Variants in SMARCAL1 observed in about 807,000 individuals in gnomAD.
SMARCAL1 encodes the protein ATP-driven annealing helicase.
Under a neutral mutation model 94.5 loss-of-function variants are expected in SMARCAL1, and 58 were observed. The observed-to-expected ratio is 0.61, with a 90% CI of 0.50 to 0.76. The LOEUF (loss-of-function observed/expected upper bound fraction) is 0.76, where lower values mean the gene tolerates loss of function less well. Among genes scored for constraint, SMARCAL1 ranks in the 30% least tolerant of loss-of-function variants. SMARCAL1 has a pLI of 0.00. For synonymous variants in SMARCAL1, 422 were observed against 455.1 expected, an observed-to-expected ratio of 0.93 and a Z score of 0.93; for missense variants, 1,051 against 1,177.9, an observed-to-expected ratio of 0.89 and a Z score of 1.58.
At chr2:216,457,334 C>A (rs996165731) in intron 12 of SMARCAL1, among the ~76,000 whole-genome samples, 2 of 152,156 alleles carry the variant, frequency 1.3e-5, no homozygotes, top group Admixed American at 6.5e-5. Context: ...CTGCACCAAG[C>A]GGACCTAATA....
chr2:216,421,054 T>C (rs1165149443), intron 5 of SMARCAL1, among the ~76,000 whole-genome samples: 1 of 152,184 alleles, frequency 6.6e-6, no homozygotes, highest in African/African-American at 2.4e-5. Flanking sequence ...GTGCTGCTGC[T>C]GGTGATGGTG....
In SMARCAL1 at chr2:216,467,939, T is replaced by A; in HGVS notation, c.2142-5T>A. On this transcript the variant is annotated splice_polypyrimidine_tract_variant and splice_region_variant and intron_variant, in intron 13 of 17. Coordinates refer to ENST00000357276, the MANE Select transcript of SMARCAL1 (RefSeq NM_014140.4). ...AATCTGTTTTGTTGTCATTGTCAAATGCAGTGAATATATCTTGGACCTACT... is the reference window on the plus strand; with the variant it reads ...AATCTGTTTTGTTGTCATTGTCAAAAGCAGTGAATATATCTTGGACCTACT... 6.4e-7 allele frequency: 1 copy of A among 1,554,850 alleles called. No individual in the cohort carries two copies. The highest frequency in any genetic ancestry group is 8.9e-7 in the Non-Finnish European group (1 of 1,126,160).
In SMARCAL1 at chr2:216,475,114, C is replaced by A. The variant is rs1695042505; in HGVS notation, c.2245-155C>A. 6.6e-6 allele frequency among the ~76,000 whole-genome samples: 1 copy of A among 152,264 alleles called. No homozygotes were observed. The highest frequency in any genetic ancestry group is 1.5e-5 in the Non-Finnish European group (1 of 68,046). On this transcript the variant is annotated intron_variant, in intron 14 of 17. Coordinates refer to ENST00000357276, the MANE Select transcript of SMARCAL1 (RefSeq NM_014140.4). The surrounding 1 kb of genome is among the most constrained non-coding windows in gnomAD (Gnocchi z 4.4). ...ATGGCACCTGAGTATAAGCAGTCAT[C>A]TCAATACCAATGTCAATTTGAAAAG...
At chr2:216,424,960 C>A (rs1436523874) in intron 6 of SMARCAL1, among the ~76,000 whole-genome samples, 2 of 152,058 alleles carry the variant, frequency 1.3e-5, no homozygotes, top group Non-Finnish European at 2.9e-5. Flanking sequence ...TCGCTGTCAC[C>A]CAGGCTGGAG....
chr2:216,471,969 T>C (rs914915814), intron 14 of SMARCAL1, among the ~76,000 whole-genome samples: 1 of 152,200 alleles, frequency 6.6e-6, no homozygotes, highest in Non-Finnish European at 1.5e-5. Context: ...AACTCCAAAA[T>C]TGAAGGTCTT....
At chr2:216,459,989 GA>G (rs1480425363) in intron 12 of SMARCAL1, among the ~76,000 whole-genome samples, 2 of 152,064 alleles carry the variant, frequency 1.3e-5, no homozygotes, top group African/African-American at 4.8e-5. Flanking sequence ...AAATTTGCAA[GA>G]AAAAAACGAA....
At chr2:216,419,494 A>G (rs916704553) in intron 4 of SMARCAL1, among the ~76,000 whole-genome samples, 3 of 152,134 alleles carry the variant, frequency 2.0e-5, no homozygotes, top group African/African-American at 7.2e-5. Context: ...ATGCATCTGT[A>G]GTAGATGAAA....
intron 8 of SMARCAL1, 83 bp from the exon 9 acceptor site, chr2:216,435,255 T>C: frequency 1.4e-6 from 2 of 1,440,310 alleles, no homozygotes; most frequent in Non-Finnish European, 1.9e-6. Context: ...TGGCTGTTGA[T>C]GGGCATGAGA....
At chr2:216,415,756 C>T (rs953831807) in intron 3 of SMARCAL1, among the ~76,000 whole-genome samples, 1 of 152,210 alleles carries the variant, frequency 6.6e-6, no homozygotes, top group Non-Finnish European at 1.5e-5. Flanking sequence ...TGAGAAGACG[C>T]TTCCTCTGCC....
At chr2:216,480,634 C>T (rs75450302) in intron 17 of SMARCAL1, among the ~76,000 whole-genome samples, 5,142 of 152,132 alleles carry the variant, frequency 0.034, 98 homozygotes, top group Middle Eastern at 0.068. Flanking sequence ...TAGGAGATTT[C>T]GGGTGCAGGT....
At chr2:216,461,249 C>G (rs1271050752) in intron 12 of SMARCAL1, among the ~76,000 whole-genome samples, 1 of 151,576 alleles carries the variant, frequency 6.6e-6, no homozygotes, top group Non-Finnish European at 1.5e-5. Context: ...AAAGTACAAA[C>G]AAGATAATAA....
chr2:216,420,028 CAAAAAAAAAAAAAA>C (rs60555710), intron 4 of SMARCAL1, among the ~76,000 whole-genome samples: 3 of 40,192 alleles, frequency 7.5e-5, no homozygotes, highest in Middle Eastern at 0.015. Context: ...GACCCCGTCT[CAAAAAAAAAAAAAA>C]AAAAAGAAAA....
At chr2:216,447,266 C>T in intron 11 of SMARCAL1, 108 bp downstream of exon 11, 1 of 1,346,526 alleles carries the variant, frequency 7.4e-7, no homozygotes, top group Admixed American at 1.7e-5. Context: ...GAGCACTGGC[C>T]AGGGGAATGG....
At chr2:216,425,815 A>G (rs1413745253) in intron 6 of SMARCAL1, among the ~76,000 whole-genome samples, 1 of 152,172 alleles carries the variant, frequency 6.6e-6, no homozygotes, top group Non-Finnish European at 1.5e-5. Context: ...AGGCCTGGAA[A>G]AAGCACCATT....
intron 6 of SMARCAL1, chr2:216,427,297 T>C (rs1275885326): frequency 1.3e-5 from 2 of 152,248 alleles, no homozygotes; most frequent in African/African-American, 4.8e-5. Flanking sequence ...ATGGCTGAAC[T>C]AGCAGCATAG....
rs34678979 is a variant in SMARCAL1 at position 216,467,470 on chromosome 2, CAAAAAAAAAAA to C, written c.2142-462_2142-452del. On this transcript the variant is annotated intron_variant, in intron 13 of 17. Coordinates refer to ENST00000357276, the MANE Select transcript of SMARCAL1 (RefSeq NM_014140.4). ...TGGGCGACAGAGCGAAACTCAGTCT[CAAAAAAAAAAA>C]AAAAAAAAAAAGGGTGGGAAGCTAA... 1.7e-3 allele frequency among the ~76,000 whole-genome samples: 81 copies of C among 47,850 alleles called. 1 individual carries two copies. The East Asian group carries it at 0.054, about 32-fold the overall frequency. 31.4% of individuals were successfully genotyped at this position (47,850 alleles called of 152,430 possible). A position where few individuals can be genotyped will look rare whatever the true frequency, so the allele number is the denominator to read the frequency against.
At chr2:216,436,899 A>G (rs1039901109) in intron 9 of SMARCAL1, among the ~76,000 whole-genome samples, 3 of 152,218 alleles carry the variant, frequency 2.0e-5, no homozygotes, top group Non-Finnish European at 4.4e-5. Context: ...ATAGGCACAA[A>G]GCTAGCAAGT....
At chr2:216,471,840 C>T (rs190405342) in intron 14 of SMARCAL1, among the ~76,000 whole-genome samples, 4 of 152,266 alleles carry the variant, frequency 2.6e-5, no homozygotes, top group Admixed American at 6.5e-5. Context: ...AATTAAAAAT[C>T]TAAGTTTTTA....
chr2:216,447,660 C>T (rs1488650613), intron 11 of SMARCAL1, among the ~76,000 whole-genome samples: 1 of 119,618 alleles, frequency 8.4e-6, no homozygotes, highest in Non-Finnish European at 1.7e-5. Context: ...TGGGAAATTC[C>T]TCCCTGTGCA....
Sources: allele counts gnomAD v4.1 joint callset (sites outside exome capture counted in the v4.1 genomes callset), GRCh38; gene constraint gnomAD v4.1.1; non-coding constraint Gnocchi (gnomAD v3.1); transcripts MANE v1.5; gene names NCBI Gene and HGNC (gene_info 2026-07-23, HGNC 2026-07-21).